Variants in TSPYL2 observed in about 807,000 individuals in gnomAD.
The protein encoded by TSPYL2 is testis-specific Y-encoded-like protein 2.
A neutral mutation model predicts 33.0 loss-of-function variants in TSPYL2; 9 were observed. That is an observed-to-expected ratio of 0.27 (90% confidence interval 0.16 to 0.48). The LOEUF is 0.48. Ranked by LOEUF, TSPYL2 falls within the 20% of genes least tolerant of loss-of-function variation. TSPYL2 has a pLI of 0.99. For missense variants in TSPYL2, 636 were observed against 586.2 expected, an observed-to-expected ratio of 1.08 and a Z score of -0.88; for synonymous variants, 330 against 233.6, an observed-to-expected ratio of 1.41 and a Z score of -3.77.
chrX:53,084,214 G>A (rs1932701152), intron 1 of TSPYL2, among the ~76,000 whole-genome samples: 1 of 111,796 alleles, frequency 8.9e-6, no homozygotes, highest in African/African-American at 3.3e-5. Flanking sequence ...ATACAATAAC[G>A]TGACCACAGG....
intron 6 of TSPYL2, chrX:53,086,673 A>G: frequency 4.1e-6 from 1 of 245,089 alleles, no homozygotes; most frequent in East Asian, 9.9e-5. Flanking sequence ...CCTTTGGCGC[A>G]TTTCCAGGCT....
At chrX:53,086,773 G>T (rs1214301661) in intron 6 of TSPYL2, 1 of 142,118 alleles carries the variant, frequency 7.0e-6, no homozygotes, top group Admixed American at 7.9e-5. Flanking sequence ...CGGGGTGGGG[G>T]GGGTGGCGGG....
At chrX:53,083,880 A>C (rs1275109261) in intron 1 of TSPYL2, among the ~76,000 whole-genome samples, 1 of 111,832 alleles carries the variant, frequency 8.9e-6, no homozygotes, top group East Asian at 2.8e-4. Context: ...CAAGAGAGGG[A>C]GTGTCTAGGT....
chrX:53,082,649 GA>G lies in TSPYL2; in HGVS notation c.154del (p.Thr52ArgfsTer10). The G allele has an allele frequency of 8.6e-7, 1 of 1,156,901 alleles. No homozygotes were observed. ...PPQQRPRLQE[E>X]TEAAQVLADM... ...CCAGCAGCGCCCGAGGCTCCAGGAG[GA>G]AACGGAGGCGGCACAGGTGCTGGCC... On this transcript the variant is annotated frameshift_variant, in exon 1 of 7. Transcript: ENST00000375442. LOFTEE classifies it high-confidence loss of function.
chrX:53,083,030 G>T lies in TSPYL2; in HGVS notation c.532G>T (p.Asp178Tyr). The T allele has an allele frequency of 8.3e-7, 1 of 1,207,678 alleles. No homozygotes were observed. Among genetic ancestry groups the T allele is most frequent in the Non-Finnish European group, 1.1e-6 (1 of 893,270 alleles). Reference protein sequence around the residue: ...AIIIVEDEDEDERESMRSSRR... With the variant: ...AIIIVEDEDEYERESMRSSRR... ...CATCATAGTGGAGGATGAGGATGAGGATGAGCGGGAGAGTATGAGGAGCAG... is the reference window on the plus strand; with the variant it reads ...CATCATAGTGGAGGATGAGGATGAGTATGAGCGGGAGAGTATGAGGAGCAG... The change falls in exon 1 of 7, where the codon GAT (aspartate) becomes TAT (tyrosine). Residue 178 changes from aspartate to tyrosine, a missense_variant. By Grantham distance (160) the Asp-to-Tyr change is radical. Around this residue, in one of 3 missense-constraint regions of TSPYL2, gnomAD observed 231 missense variants for 201.6 expected, o/e 1.15. Coordinates refer to ENST00000375442, the MANE Select transcript of TSPYL2 (RefSeq NM_022117.4).
chrX:53,083,396 G>A (rs1932676458), intron 1 of TSPYL2, 91 bp downstream of exon 1: 2 of 903,321 alleles, frequency 2.2e-6, no homozygotes, highest in Non-Finnish European at 3.1e-6. Context: ...GCGGGTGGAG[G>A]AGAGCCAGAG....
intron 1 of TSPYL2, 114 bp downstream of exon 1, chrX:53,083,419 C>T (rs1019261971): frequency 2.7e-6 from 2 of 728,832 alleles, no homozygotes; most frequent in African/African-American, 2.2e-5. Flanking sequence ...GGGCATGATC[C>T]CCCTATCGGA....
At chrX:53,085,181 A>T (rs1219149632) in intron 4 of TSPYL2, 46 bp from the exon 5 acceptor site, 1 of 1,181,784 alleles carries the variant, frequency 8.5e-7, no homozygotes, top group Non-Finnish European at 1.1e-6. Flanking sequence ...GAGGATCTGG[A>T]GCTTGTACTA....
At position 53,087,145 on chromosome X, in the gene TSPYL2, GT is replaced by G. The variant is rs782690129; in HGVS notation, c.1919-624del. 7.1e-5 allele frequency: 8 copies of G among 112,594 alleles called. No homozygotes were observed. The South Asian group carries it at 2.6e-3, about 36-fold the overall frequency. 9.3% of individuals were successfully genotyped at this position (112,594 alleles called of 1,213,427 possible). On this transcript the variant is annotated intron_variant, in intron 6 of 6. Transcript: ENST00000375442. ...GGCAGGAAAATCAACTACTCTTCGG[GT>G]TTTTTTGGCTATGGGGTCCCTGGCA...
At position 53,085,675 on chromosome X, in the gene TSPYL2, C is replaced by T. The variant is rs1221166474; in HGVS notation, c.1283C>T (p.Pro428Leu). 6 of 1,210,176 alleles carry T rather than the reference C, an allele frequency of 5.0e-6. No individual in the cohort carries two copies. In the East Asian group the frequency reaches 1.2e-4, roughly 24 times the overall value. ...RCEVVIMEDA[P>L]DYYAVEDIFS... ...GAGGTGGTGATCATGGAAGACGCCCCTGACTATTATGCAGTGGAAGACATT... is the reference window on the plus strand; with the variant it reads ...GAGGTGGTGATCATGGAAGACGCCCTTGACTATTATGCAGTGGAAGACATT... Residue 428 changes from proline (P) to leucine (L), a missense_variant, in exon 6 of 7, where the codon CCT becomes CTT. Physicochemically the swap from Pro to Leu is moderately conservative, Grantham distance 98. Around this residue, in one of 3 missense-constraint regions of TSPYL2, gnomAD observed 401 missense variants for 363.0 expected, o/e 1.10. Transcript: ENST00000375442.
chrX:53,087,074 G>A (rs938177201), intron 6 of TSPYL2: 4 of 112,916 alleles, frequency 3.5e-5, no homozygotes, highest in African/African-American at 1.3e-4. Flanking sequence ...AGAATAACAC[G>A]AGAATTATAA....
In TSPYL2 at chrX:53,086,253, G is replaced by A. The variant is rs782023215; in HGVS notation, c.1861G>A (p.Glu621Lys). ...EDFDKDQADY[E>K]DVIEIISDES... is the part of the protein sequence containing the mutation. ...CTTTGACAAGGATCAGGCTGACTAC[G>A]AGGACGTGATAGAGATCATCTCAGA... is the stretch of plus-strand genomic sequence containing the variant. Residue 621 changes from glutamate to lysine, a missense_variant, in exon 6 of 7, where the codon GAG (glutamate) becomes AAG (lysine). Coordinates refer to ENST00000375442, the MANE Select transcript of TSPYL2 (RefSeq NM_022117.4). 1.7e-6 allele frequency: 2 copies of A among 1,211,655 alleles called. No homozygotes were observed. Among genetic ancestry groups the A allele is most frequent in the Non-Finnish European group, 2.2e-6 (2 of 895,500 alleles).
chrX:53,082,576 C>T lies in TSPYL2; in HGVS notation c.78C>T (p.Pro26=). 8.7e-7 allele frequency: 1 copy of T among 1,148,545 alleles called. No homozygotes were observed. Among genetic ancestry groups the T allele is most frequent in the Non-Finnish European group, 1.2e-6 (1 of 868,148 alleles). 94.7% of individuals were successfully genotyped at this position (1,148,545 alleles called of 1,213,427 possible). The change falls in exon 1 of 7, where the codon CCC becomes CCT. Residue 26 remains proline, a synonymous_variant. Coordinates refer to ENST00000375442, the MANE Select transcript of TSPYL2 (RefSeq NM_022117.4). The part of the protein sequence containing the change: ...SSSESPQRDP[P]PPPPPPPLLR... Reference sequence around the variant, plus strand: ...CCGAGTCTCCACAGCGCGACCCGCCCCCGCCGCCGCCGCCGCCGCCGCTCC... The same window carrying T: ...CCGAGTCTCCACAGCGCGACCCGCCTCCGCCGCCGCCGCCGCCGCCGCTCC...
intron 6 of TSPYL2, chrX:53,087,501 G>A (rs1385888880): frequency 8.5e-6 from 3 of 351,366 alleles, no homozygotes; most frequent in African/African-American, 2.6e-5. Context: ...GAGTACAAGG[G>A]GGAGAAAAAG....
chrX:53,085,685 T>C lies in TSPYL2; in HGVS notation c.1293T>C (p.Tyr431=), dbSNP rs781985200. Residue 431 remains tyrosine, a synonymous_variant, in exon 6 of 7, where the codon TAT becomes TAC. Coordinates refer to ENST00000375442, the MANE Select transcript of TSPYL2 (RefSeq NM_022117.4). ...TCATGGAAGACGCCCCTGACTATTA[T>C]GCAGTGGAAGACATTTTCAGCGAGA... ...VVIMEDAPDY[Y]AVEDIFSEIS... 13 of 1,210,236 alleles carry C rather than the reference T, an allele frequency of 1.1e-5. No homozygotes were observed. Among genetic ancestry groups the C allele is most frequent in the South Asian group, 1.1e-4 (6 of 56,840 alleles).
In TSPYL2 at chrX:53,083,324, C is replaced by G; in HGVS notation, c.807+19C>G. The G allele has an allele frequency of 8.5e-7, 1 of 1,183,125 alleles. No homozygotes were observed. Among genetic ancestry groups the G allele is most frequent in the South Asian group, 1.8e-5 (1 of 55,469 alleles). ...CAAAGCAGTATCCTTCTAATCGATA[C>G]TCCGTAGGTCAGAAGCCCGTGACAG... On this transcript the variant is annotated intron_variant, in intron 1 of 6. Transcript: ENST00000375442.
In TSPYL2 at chrX:53,082,549, C is replaced by G. The variant is rs1284339555; in HGVS notation, c.51C>G (p.Ser17Arg). The change falls in exon 1 of 7, where the codon AGC becomes AGG. Residue 17 changes from serine (S) to arginine (R), a missense_variant. This residue lies in a region of TSPYL2 where 231 missense variants were observed against 201.6 expected (regional missense o/e 1.15). Coordinates refer to ENST00000375442, the MANE Select transcript of TSPYL2 (RefSeq NM_022117.4). The part of the protein sequence containing the change: ...GPPAKTRRLS[S>R]SESPQRDPPP... ...CGGCCAAGACCCGCCGCCTGAGCAG[C>G]TCCGAGTCTCCACAGCGCGACCCGC... The G allele has an allele frequency of 4.3e-6, 5 of 1,157,046 alleles. No homozygotes were observed. The highest frequency in any genetic ancestry group is 5.7e-6 in the Non-Finnish European group (5 of 872,393).
chrX:53,083,426 C>G (rs1457564832), intron 1 of TSPYL2, 121 bp downstream of exon 1: 3 of 666,025 alleles, frequency 4.5e-6, no homozygotes, highest in East Asian at 7.1e-5. Context: ...ATCCCCCTAT[C>G]GGAAGACGGA....
chrX:53,088,156 C>T lies in TSPYL2; in HGVS notation c.*217C>T, dbSNP rs1932793156. On this transcript the variant is annotated 3_prime_UTR_variant, in exon 7 of 7. Transcript: ENST00000375442. Reference sequence around the variant, plus strand: ...TAGTCCCCTTCTTTTGGCCCTCCGCCCCCGCAGGCTTCTGTGTGCTGCTAA... The same window carrying T: ...TAGTCCCCTTCTTTTGGCCCTCCGCTCCCGCAGGCTTCTGTGTGCTGCTAA... 2 of 415,430 alleles carry T rather than the reference C, an allele frequency of 4.8e-6. No homozygotes were observed. The highest frequency in any genetic ancestry group is 8.4e-6 in the Non-Finnish European group (2 of 238,054). 34.2% of individuals were successfully genotyped at this position (415,430 alleles called of 1,213,427 possible). A position where few individuals can be genotyped will look rare whatever the true frequency, so the allele number is the denominator to read the frequency against.
Sources: allele counts gnomAD v4.1 joint callset (sites outside exome capture counted in the v4.1 genomes callset), GRCh38; gene constraint gnomAD v4.1.1; regional missense constraint gnomAD v4.1.1; transcripts MANE v1.5; gene names NCBI Gene and HGNC (gene_info 2026-07-23, HGNC 2026-07-21).